Variants in PTK2B observed in about 807,000 individuals in gnomAD.
PTK2B encodes protein-tyrosine kinase 2-beta.
In PTK2B, 71 loss-of-function variants were observed where a neutral mutation model predicts 142.9. The observed-to-expected ratio is 0.50, with a 90% CI of 0.41 to 0.61. The LOEUF (loss-of-function observed/expected upper bound fraction) is 0.61, where lower values mean the gene tolerates loss of function less well. PTK2B is among the 20% of genes least tolerant of loss of function. PTK2B has a pLI of 0.00. For synonymous variants in PTK2B, 519 were observed against 503.4 expected, an observed-to-expected ratio of 1.03 and a Z score of -0.42; for missense variants, 1,105 against 1,320.4, an observed-to-expected ratio of 0.84 and a Z score of 2.53.
At chr8:27,361,091 TAA>T (rs1805673279) in intron 1 of PTK2B, among the ~76,000 whole-genome samples, 1 of 152,220 alleles carries the variant, frequency 6.6e-6, no homozygotes, top group African/African-American at 2.4e-5. Flanking sequence ...TTGTACCCAT[TAA>T]ATAATTTCCT....
At position 27,450,663 on chromosome 8, in the gene PTK2B, C is replaced by T. The variant is rs559537210; in HGVS notation, c.2341-86C>T. 3.0e-5 allele frequency: 46 copies of T among 1,528,746 alleles called. No individual in the cohort carries two copies. The African/African-American group carries it at 4.8e-4, about 16-fold the overall frequency. 94.7% of individuals were successfully genotyped at this position (1,528,746 alleles called of 1,614,324 possible). On this transcript the variant is annotated intron_variant, in intron 24 of 30. Coordinates refer to ENST00000346049, the MANE Select transcript of PTK2B (RefSeq NM_173176.3). ...TGGCCAGGCCAAGGCTTGCAGCTGC[C>T]ATGAGGTTCTTCAGAGGACTGTCCC...
intron 1 of PTK2B, among the ~76,000 whole-genome samples, chr8:27,383,038 A>C (rs35627965): frequency 0.44 from 67,042 of 151,960 alleles, 15,783 homozygotes; most frequent in Non-Finnish European, 0.53. Context: ...TATTTGGGGT[A>C]TTTTTTGATT....
At chr8:27,323,279 C>A (rs542955318), upstream of PTK2B, 1 of 152,158 alleles carries the variant, frequency 6.6e-6, no homozygotes, top group Non-Finnish European at 1.5e-5. Flanking sequence ...AGGGCTGGAA[C>A]GGGGCTTGTT....
At chr8:27,378,092 C>G (rs1448731497) in intron 1 of PTK2B, among the ~76,000 whole-genome samples, 3 of 152,216 alleles carry the variant, frequency 2.0e-5, no homozygotes, top group Admixed American at 1.3e-4. Context: ...TTAGTTGTTA[C>G]TTTTCTCTTT....
At chr8:27,311,444 G>C, upstream of PTK2B, 1 of 633,078 alleles carries the variant, frequency 1.6e-6, no homozygotes, top group Non-Finnish European at 2.6e-6. Context: ...TCCGGTGTGC[G>C]CGGGAAATCT....
At chr8:27,378,898 T>C (rs1806840626) in intron 1 of PTK2B, among the ~76,000 whole-genome samples, 1 of 152,174 alleles carries the variant, frequency 6.6e-6, no homozygotes, top group African/African-American at 2.4e-5. Context: ...TTCTTTTTTC[T>C]GACTTCCTGT....
intron 13 of PTK2B, among the ~76,000 whole-genome samples, chr8:27,435,360 A>T (rs1810706816): frequency 6.6e-6 from 1 of 152,212 alleles, no homozygotes; most frequent in South Asian, 2.1e-4. Context: ...TCGCATTGGG[A>T]ATTAGGGCTT....
intron 1 of PTK2B, among the ~76,000 whole-genome samples, chr8:27,376,913 T>TG (rs1806706312): frequency 6.6e-6 from 1 of 152,242 alleles, no homozygotes; most frequent in Admixed American, 6.5e-5. Context: ...TTAATAAACT[T>TG]GCTTTCACTT....
chr8:27,321,661 G>A (rs1484444973), upstream of PTK2B, among the ~76,000 whole-genome samples: 2 of 152,150 alleles, frequency 1.3e-5, no homozygotes, highest in African/African-American at 2.4e-5. Flanking sequence ...CTGGAGTTGC[G>A]TGCATAACTT....
chr8:27,430,427 A>G lies in PTK2B; in HGVS notation c.669+9A>G. On this transcript the variant is annotated intron_variant, in intron 7 of 30. Transcript: ENST00000346049. ...TGCAGGAGAACTTAAAGGTGAGGAA[A>G]CCAATGGGCGAGGACCTCTTCGTGC... The G allele has an allele frequency of 6.2e-7, 1 of 1,614,100 alleles. No individual in the cohort carries two copies. The highest frequency in any genetic ancestry group is 8.5e-7 in the Non-Finnish European group (1 of 1,179,976).
At chr8:27,425,120 A>G (rs548926153) in intron 5 of PTK2B, among the ~76,000 whole-genome samples, 1 of 151,986 alleles carries the variant, frequency 6.6e-6, no homozygotes, top group East Asian at 1.9e-4. Flanking sequence ...ACTATATAAC[A>G]TATATCTGTT....
chr8:27,394,029 G>C (rs55921260), intron 1 of PTK2B, among the ~76,000 whole-genome samples: 57,218 of 151,952 alleles, frequency 0.38, 11,459 homozygotes, highest in Middle Eastern at 0.5. Context: ...AGAGTACTTA[G>C]AGAAACCCAG....
intron 26 of PTK2B, 86 bp downstream of exon 26, chr8:27,451,164 T>G: frequency 1.4e-6 from 2 of 1,475,010 alleles, no homozygotes; most frequent in Non-Finnish European, 1.9e-6. Flanking sequence ...AACTTGCTCC[T>G]ACCCCCAGGC....
intron 23 of PTK2B, 107 bp from the exon 24 acceptor site, chr8:27,445,687 C>T (rs1811425719): frequency 1.3e-6 from 2 of 1,502,000 alleles, no homozygotes; most frequent in Non-Finnish European, 1.8e-6. Flanking sequence ...AAGCCCCATT[C>T]CCTGTGGTGC....
At position 27,417,288 on chromosome 8, in the gene PTK2B, C is replaced by T. The variant is rs181686170; in HGVS notation, c.205-2607C>T. Among the ~76,000 whole-genome samples, 4 of 152,256 alleles carry T rather than the reference C, an allele frequency of 2.6e-5. No homozygotes were observed. In the East Asian group the frequency reaches 7.7e-4, roughly 29 times the overall value. Reference sequence around the variant, plus strand: ...AATGAATTTCTGATATATGCAACAACATGATGGATCTCAGACATTATGCTG... The same window carrying T: ...AATGAATTTCTGATATATGCAACAATATGATGGATCTCAGACATTATGCTG... On this transcript the variant is annotated intron_variant, in intron 2 of 30. Coordinates refer to ENST00000346049, the MANE Select transcript of PTK2B (RefSeq NM_173176.3).
intron 3 of PTK2B, among the ~76,000 whole-genome samples, chr8:27,314,959 CT>C (rs1410857599): frequency 6.6e-6 from 1 of 152,184 alleles, no homozygotes; most frequent in African/African-American, 2.4e-5. Context: ...ACTTCTATCC[CT>C]TTCCTCTTCT....
At chr8:27,347,180 C>G (rs1469408421) in intron 1 of PTK2B, among the ~76,000 whole-genome samples, 1 of 149,940 alleles carries the variant, frequency 6.7e-6, no homozygotes, top group Non-Finnish European at 1.5e-5. Flanking sequence ...AGTTCGAGAC[C>G]AGCCTGGCCA....
chr8:27,420,940 T>C (rs1429363584), intron 4 of PTK2B, among the ~76,000 whole-genome samples, 196 bp downstream of exon 4: 1 of 152,200 alleles, frequency 6.6e-6, no homozygotes, highest in African/African-American at 2.4e-5. Flanking sequence ...ATTTAAGCAC[T>C]GGCTAAACTG....
At chr8:27,404,289 C>T (rs1365787004) in intron 2 of PTK2B, among the ~76,000 whole-genome samples, 1 of 152,154 alleles carries the variant, frequency 6.6e-6, no homozygotes, top group Non-Finnish European at 1.5e-5. Context: ...TCTTTTCTCA[C>T]CCAGGAAGAC....
Sources: gnomAD v4.1 joint callset for allele counts (sites outside exome capture counted in the v4.1 genomes callset) on GRCh38, gnomAD v4.1.1 for gene constraint, MANE v1.5 for transcripts, NCBI Gene and HGNC (gene_info 2026-07-23, HGNC 2026-07-21) for gene names.